The following MEI4 variants were observed in gnomAD, a reference collection of about 807,000 sequenced individuals.
MEI4 encodes the protein meiotic double-stranded break formation protein 4.
MEI4 carries 27 observed loss-of-function variants against 31.4 expected under a neutral mutation model. That is an observed-to-expected ratio of 0.86 (90% CI 0.63 to 1.19). MEI4 has a LOEUF of 1.19. Ranked by LOEUF, MEI4 falls within the 50% of genes most tolerant of loss-of-function variation. The pLI is 0.00. For synonymous variants in MEI4, 122 were observed against 145.4 expected, an observed-to-expected ratio of 0.84 and a Z score of 1.16; for missense variants, 329 against 398.9, an observed-to-expected ratio of 0.82 and a Z score of 1.49.
chr6:77,803,640 A>T lies in MEI4; in HGVS notation c.769-25291A>T, dbSNP rs187663923. 3.5e-3 allele frequency among the ~76,000 whole-genome samples: 539 copies of T among 152,120 alleles called. 2 individuals are homozygous for T. Among genetic ancestry groups the T allele is most frequent in the African/African-American group, 0.012 (498 of 41,498 alleles). On this transcript the variant is annotated intron_variant, in intron 3 of 4. Coordinates refer to ENST00000684080, the MANE Select transcript of MEI4 (RefSeq NM_001322247.2). The stretch of plus-strand genomic sequence containing the variant: ...GGTCTTTGATGATGGTGACGTACAG[A>T]TGGTGTTTTGGTGTGGATGTCCTTT...
chr6:77,693,670 A>G (rs1769201702), intron 2 of MEI4, among the ~76,000 whole-genome samples: 1 of 152,086 alleles, frequency 6.6e-6, no homozygotes, highest in Non-Finnish European at 1.5e-5. Flanking sequence ...AGATTTAGAT[A>G]AATGGAGTAA....
intron 3 of MEI4, among the ~76,000 whole-genome samples, chr6:77,777,275 A>G (rs1768474360): frequency 6.6e-6 from 1 of 152,186 alleles, no homozygotes; most frequent in African/African-American, 2.4e-5. Flanking sequence ...AGAATTTGAG[A>G]AAGCTATTAA....
intron 2 of MEI4, among the ~76,000 whole-genome samples, chr6:77,701,733 G>GA (rs775748649): frequency 6.6e-6 from 1 of 151,966 alleles, no homozygotes; most frequent in South Asian, 2.1e-4. Flanking sequence ...AAGAAAGTAA[G>GA]AAAAAATCAA....
chr6:77,916,504 CA>C (rs1163587680), intron 4 of MEI4, among the ~76,000 whole-genome samples: 1 of 151,952 alleles, frequency 6.6e-6, no homozygotes. Context: ...TGGGAGCATG[CA>C]TTGTGTGGTC....
chr6:77,908,134 C>A (rs2127737603), intron 4 of MEI4, among the ~76,000 whole-genome samples: 1 of 152,030 alleles, frequency 6.6e-6, no homozygotes, highest in African/African-American at 2.4e-5. Context: ...TTTTGCTGTG[C>A]AGAAACTCTT....
In MEI4 at chr6:77,690,771, G is replaced by C; in HGVS notation, c.100G>C (p.Glu34Gln). The C allele has an allele frequency of 8.1e-7, 1 of 1,231,580 alleles. No individual in the cohort carries two copies. Among genetic ancestry groups the C allele is most frequent in the Non-Finnish European group, 1.0e-6 (1 of 987,348 alleles). 76.3% of individuals were successfully genotyped at this position (1,231,580 alleles called of 1,614,324 possible). A position where few individuals can be genotyped will look rare whatever the true frequency, so the allele number is the denominator to read the frequency against. ...PADKSSREYT[E>Q]HLAMLLSEEQ... is the part of the protein sequence containing the mutation. ...AGACAAAAGCAGCAGAGAATACACA[G>C]AGCACCTTGCTATGTTGCTGTCTGA... Residue 34 changes from glutamate to glutamine, a missense_variant, in exon 2 of 5, where the codon GAG becomes CAG. Glu to Gln is a conservative substitution (Grantham distance 29). Transcript: ENST00000684080.
chr6:77,761,018 A>G (rs1253204795), intron 2 of MEI4, 112 bp from the exon 3 acceptor site: 2 of 686,508 alleles, frequency 2.9e-6, no homozygotes, highest in African/African-American at 3.7e-5. Context: ...TTAAATGCTT[A>G]ATGTGTATTT....
At chr6:77,767,091 C>G (rs747891812) in intron 3 of MEI4, among the ~76,000 whole-genome samples, 1 of 152,064 alleles carries the variant, frequency 6.6e-6, no homozygotes, top group African/African-American at 2.4e-5. Flanking sequence ...ATTAAACAAA[C>G]AAACAAACGG....
chr6:77,658,271 G>T (rs1232976084), intron 1 of MEI4, among the ~76,000 whole-genome samples: 1 of 152,102 alleles, frequency 6.6e-6, no homozygotes, highest in Non-Finnish European at 1.5e-5. Context: ...AAGGGTGGGG[G>T]AGATTACAAA....
chr6:77,763,960 C>T (rs977998437), intron 3 of MEI4, among the ~76,000 whole-genome samples: 2 of 152,068 alleles, frequency 1.3e-5, no homozygotes, highest in Admixed American at 6.5e-5. Context: ...ACTACAGGTG[C>T]ATGCCACCAT....
chr6:77,921,003 A>G (rs1255169996), intron 4 of MEI4, among the ~76,000 whole-genome samples: 2 of 151,918 alleles, frequency 1.3e-5, no homozygotes, highest in South Asian at 4.1e-4. Flanking sequence ...CACTGGCTTC[A>G]ACTTCAAGAC....
chr6:77,739,863 G>A (rs867940146), intron 2 of MEI4, among the ~76,000 whole-genome samples: 6 of 152,094 alleles, frequency 3.9e-5, no homozygotes, highest in Middle Eastern at 3.4e-3. Context: ...CTTGGCTCTT[G>A]GTTCTCTAAT....
Position 77,662,040 on chromosome 6 carries a change from A to G in MEI4, c.-15+8948A>G, listed in dbSNP as rs150604607. 1.2e-3 allele frequency among the ~76,000 whole-genome samples: 190 copies of G among 152,154 alleles called. 1 individual carries two copies. Among genetic ancestry groups the G allele is most frequent in the African/African-American group, 3.9e-3 (163 of 41,524 alleles). On this transcript the variant is annotated intron_variant, in intron 1 of 4. Coordinates refer to ENST00000684080, the MANE Select transcript of MEI4 (RefSeq NM_001322247.2). The stretch of plus-strand genomic sequence containing the variant: ...ATTGAAGAGGCATTAATGATGGAGG[A>G]CCCTTGTGTAGTGAGGAAACCTCTT...
intron 4 of MEI4, among the ~76,000 whole-genome samples, chr6:77,918,827 G>C (rs1016614910): frequency 2.0e-5 from 3 of 151,998 alleles, no homozygotes; most frequent in African/African-American, 7.2e-5. Context: ...TGGTGAGAGA[G>C]GGCATCCCTG....
At chr6:77,883,733 T>TATACATATAC (rs1771552338) in intron 4 of MEI4, among the ~76,000 whole-genome samples, 3 of 140,864 alleles carry the variant, frequency 2.1e-5, no homozygotes, top group African/African-American at 8.0e-5. Flanking sequence ...TATATATATA[T>TATACATATAC]ATATATATAT....
intron 3 of MEI4, among the ~76,000 whole-genome samples, chr6:77,793,754 G>T (rs1769002755): frequency 6.6e-6 from 1 of 152,076 alleles, no homozygotes; most frequent in South Asian, 2.1e-4. Context: ...CTTTATGCAA[G>T]CTTGTGACAT....
At chr6:77,801,817 T>G (rs1769269922) in intron 3 of MEI4, among the ~76,000 whole-genome samples, 2 of 152,228 alleles carry the variant, frequency 1.3e-5, no homozygotes, top group African/African-American at 4.8e-5. Context: ...AGTTGTAGTT[T>G]GATTGCACTG....
At chr6:77,737,919 G>C (rs1009018344) in intron 2 of MEI4, among the ~76,000 whole-genome samples, 5 of 152,192 alleles carry the variant, frequency 3.3e-5, no homozygotes, top group African/African-American at 4.8e-5. Flanking sequence ...TGAGGTTTCA[G>C]CTTCTGAAGT....
chr6:77,688,603 A>G (rs1015275727), intron 1 of MEI4, among the ~76,000 whole-genome samples: 1 of 152,070 alleles, frequency 6.6e-6, no homozygotes, highest in African/African-American at 2.4e-5. Context: ...GATGACAGGG[A>G]ATTTGCTGTG....
Sources: allele counts gnomAD v4.1 joint callset (sites outside exome capture counted in the v4.1 genomes callset), GRCh38; gene constraint gnomAD v4.1.1; transcripts MANE v1.5; gene names NCBI Gene and HGNC (gene_info 2026-07-23, HGNC 2026-07-21).